The following RBFOX1 variants were observed in gnomAD, a reference collection of about 807,000 sequenced individuals.
The protein encoded by RBFOX1 is RNA binding protein fox-1 homolog 1.
A neutral mutation model predicts 57.7 loss-of-function variants in RBFOX1; 8 were observed. The ratio of observed to expected loss-of-function variants is 0.14; its 90% CI spans 0.08 to 0.25. The LOEUF (loss-of-function observed/expected upper bound fraction) is 0.25. RBFOX1 is among the 10% of genes least tolerant of loss of function. The pLI, the probability that RBFOX1 is intolerant of heterozygous loss-of-function variation, is 1.00. For synonymous variants in RBFOX1, 326 were observed against 222.4 expected (o/e 1.47, Z -4.15); for missense variants, 611 against 548.5 (o/e 1.11, Z -1.14).
At chr16:6,178,557 G>T (rs1291975415) in intron 1 of RBFOX1, among the ~76,000 whole-genome samples, 1 of 152,112 alleles carries the variant, frequency 6.6e-6, no homozygotes, top group African/African-American at 2.4e-5. Flanking sequence ...CATCACTGAT[G>T]GCTTACTATG....
chr16:6,790,961 A>G (rs1370084935), intron 3 of RBFOX1, among the ~76,000 whole-genome samples: 2 of 151,366 alleles, frequency 1.3e-5, no homozygotes, highest in Non-Finnish European at 2.9e-5. Flanking sequence ...GTTGGAGTGC[A>G]TTGGTATGAT....
At chr16:5,501,016 C>T (rs1018313834) in intron 2 of RBFOX1, among the ~76,000 whole-genome samples, 2 of 151,980 alleles carry the variant, frequency 1.3e-5, no homozygotes, top group African/African-American at 4.8e-5. Flanking sequence ...ATTCCATGAG[C>T]CTGAAAAAAG....
At position 7,573,130 on chromosome 16, in the gene RBFOX1, G is replaced by A. The variant is rs1459234758; in HGVS notation, c.271-6647G>A. On this transcript the variant is annotated intron_variant, in intron 5 of 15. Coordinates refer to ENST00000550418, the MANE Select transcript of RBFOX1 (RefSeq NM_018723.4). ...TAGGGCCAGTGAAGGTTTCTCCAATGGGTGACACCTGGGCAGAGATTGTAT... is the reference window on the plus strand; with the variant it reads ...TAGGGCCAGTGAAGGTTTCTCCAATAGGTGACACCTGGGCAGAGATTGTAT... Among the ~76,000 whole-genome samples, 3 of 152,142 alleles carry A rather than the reference G, an allele frequency of 2.0e-5. No individual in the cohort carries two copies. The East Asian group carries it at 5.8e-4, about 29-fold the overall frequency.
intron 1 of RBFOX1, among the ~76,000 whole-genome samples, chr16:6,172,103 G>C (rs1378675806): frequency 6.6e-6 from 1 of 152,058 alleles, no homozygotes; most frequent in Non-Finnish European, 1.5e-5. Context: ...TTACAGGCAT[G>C]AGCCACCGAG....
intron 4 of RBFOX1, among the ~76,000 whole-genome samples, chr16:7,245,788 T>C (rs963354696): frequency 2.6e-5 from 4 of 152,230 alleles, no homozygotes; most frequent in African/African-American, 9.6e-5. Flanking sequence ...TCCATCAGTC[T>C]TGCATAGTGC....
chr16:6,150,852 T>A (rs745541719), intron 1 of RBFOX1, among the ~76,000 whole-genome samples: 3 of 152,146 alleles, frequency 2.0e-5, no homozygotes, highest in Non-Finnish European at 2.9e-5. Flanking sequence ...CTGAGACCAT[T>A]TGCAGCATGT....
intron 1 of RBFOX1, among the ~76,000 whole-genome samples, chr16:6,129,832 C>T (rs1011126421): frequency 6.7e-6 from 1 of 149,914 alleles, no homozygotes; most frequent in Non-Finnish European, 1.5e-5. Flanking sequence ...CAAACAGTAA[C>T]TGATTTCTCA....
chr16:7,248,440 T>C (rs1603445130), intron 4 of RBFOX1, among the ~76,000 whole-genome samples: 1 of 152,232 alleles, frequency 6.6e-6, no homozygotes, highest in South Asian at 2.1e-4. Flanking sequence ...TTCCAGTCAT[T>C]TGGGGGAAAA....
At chr16:6,101,947 C>T (rs1387611007) in intron 1 of RBFOX1, among the ~76,000 whole-genome samples, 3 of 152,088 alleles carry the variant, frequency 2.0e-5, no homozygotes, top group African/African-American at 4.8e-5. Context: ...AGGCCTGGCT[C>T]TCGGAGGCCC....
intron 4 of RBFOX1, among the ~76,000 whole-genome samples, chr16:5,935,360 G>A (rs1418869019): frequency 6.6e-6 from 1 of 152,188 alleles, no homozygotes; most frequent in Non-Finnish European, 1.5e-5. Context: ...GGCAGAGGGT[G>A]GAAGGAGGAC....
intron 1 of RBFOX1, among the ~76,000 whole-genome samples, chr16:5,416,727 C>G (rs1014006265): frequency 1.3e-4 from 19 of 151,740 alleles, no homozygotes; most frequent in Non-Finnish European, 1.3e-4. Context: ...TCTGTATCTC[C>G]TCTTTTGGGG....
chr16:6,213,139 G>A (rs563840524), intron 1 of RBFOX1, among the ~76,000 whole-genome samples: 1 of 152,174 alleles, frequency 6.6e-6, no homozygotes, highest in South Asian at 2.1e-4. Flanking sequence ...TGAGTTTGAT[G>A]TCTATTTATT....
intron 3 of RBFOX1, among the ~76,000 whole-genome samples, chr16:6,968,008 C>G (rs1194803511): frequency 6.6e-6 from 1 of 152,160 alleles, no homozygotes; most frequent in East Asian, 1.9e-4. Context: ...AAGGTGCTGC[C>G]TCTGCTCTTG....
intron 4 of RBFOX1, among the ~76,000 whole-genome samples, chr16:7,321,064 T>C (rs923985920): frequency 4.1e-4 from 25 of 61,368 alleles, no homozygotes; most frequent in Non-Finnish European, 6.8e-4. Flanking sequence ...TCTATCTATC[T>C]GTCTATCTAT....
At chr16:6,936,789 T>C (rs2077439348) in intron 3 of RBFOX1, among the ~76,000 whole-genome samples, 2 of 152,084 alleles carry the variant, frequency 1.3e-5, no homozygotes, top group Non-Finnish European at 2.9e-5. Context: ...TTGTTGCCTC[T>C]TGAAAGCCTG....
chr16:6,688,119 A>G (rs780505352), intron 3 of RBFOX1, among the ~76,000 whole-genome samples: 9 of 152,190 alleles, frequency 5.9e-5, no homozygotes, highest in Non-Finnish European at 1.2e-4. Flanking sequence ...CTCCGGGTTC[A>G]GCAGGCTGTA....
intron 2 of RBFOX1, among the ~76,000 whole-genome samples, chr16:6,487,908 C>G (rs2095542085): frequency 6.6e-6 from 1 of 151,278 alleles, no homozygotes; most frequent in Non-Finnish European, 1.5e-5. Context: ...TAGTCAAAAC[C>G]AGCCGCTTTA....
chr16:7,258,556 T>C (rs2094789904), intron 4 of RBFOX1, among the ~76,000 whole-genome samples: 1 of 152,184 alleles, frequency 6.6e-6, no homozygotes, highest in Admixed American at 6.5e-5. Context: ...ATATCAGTAC[T>C]GGCACATCTG....
In RBFOX1 at chr16:6,918,165, C is replaced by A. The variant is rs192899445; in HGVS notation, c.-15-133892C>A. On this transcript the variant is annotated intron_variant, in intron 3 of 15. Transcript: ENST00000550418. ...TAGCTGGGTATGCTAGCCTGTAGTC[C>A]CAGCTACTAGAGAAGCTGAGGCAGG... is the stretch of plus-strand genomic sequence containing the variant. Among the ~76,000 whole-genome samples, 10 of 151,942 alleles carry A rather than the reference C, an allele frequency of 6.6e-5. No homozygotes were observed. The East Asian group carries it at 1.9e-3, about 30-fold the overall frequency.
Sources: gnomAD v4.1 joint callset for allele counts (sites outside exome capture counted in the v4.1 genomes callset) on GRCh38, gnomAD v4.1.1 for gene constraint, MANE v1.5 for transcripts, NCBI Gene and HGNC (gene_info 2026-07-23, HGNC 2026-07-21) for gene names.